Variants in TMEM177 observed in about 807,000 individuals in gnomAD.
The protein encoded by TMEM177 is transmembrane protein 177.
TMEM177 carries 4 observed loss-of-function variants against 14.2 expected under a neutral mutation model. That is an observed-to-expected ratio of 0.28 (90% CI 0.14 to 0.64). The LOEUF (loss-of-function observed/expected upper bound fraction) is 0.64, where lower values mean the gene tolerates loss of function less well. Ranked by LOEUF, TMEM177 falls within the 30% of genes least tolerant of loss-of-function variation. TMEM177 has a pLI of 0.82. For missense variants in TMEM177, 344 were observed against 405.2 expected (o/e 0.85, Z 1.30); for synonymous variants, 179 against 174.5 (o/e 1.03, Z -0.20).
the TMEM177 span, among the ~76,000 whole-genome samples, chr2:119,700,473 A>G: frequency 3.9e-5 from 6 of 152,310 alleles, no homozygotes; most frequent in Admixed American, 6.5e-5. Flanking sequence ...CCAAACAGGT[A>G]CTATGTTAGG....
chr2:119,700,848 A>C, the TMEM177 span, among the ~76,000 whole-genome samples: 1 of 152,184 alleles, frequency 6.6e-6, no homozygotes, highest in African/African-American at 2.4e-5. Context: ...GGCCTCTTTC[A>C]TGAATAGGTA....
chr2:119,695,335 A>T, the TMEM177 span, among the ~76,000 whole-genome samples: 368 of 152,326 alleles, frequency 2.4e-3, 4 homozygotes, highest in Non-Finnish European at 1.8e-3. Context: ...TCTTGTGGTT[A>T]CGAGCCCTCC....
chr2:119,707,065 C>T, the TMEM177 span, among the ~76,000 whole-genome samples: 78,456 of 151,748 alleles, frequency 0.52, 21,143 homozygotes, highest in East Asian at 0.65. Context: ...GCGCCCACCA[C>T]AACGCCCAGC....
At chr2:119,711,762 G>A in the TMEM177 span, among the ~76,000 whole-genome samples, 20 of 152,242 alleles carry the variant, frequency 1.3e-4, no homozygotes, top group East Asian at 2.7e-3. Flanking sequence ...AGGACTCTTC[G>A]TAGTTACCTG....
downstream of TMEM177, among the ~76,000 whole-genome samples, chr2:119,683,030 G>C (rs755903953): frequency 6.6e-6 from 1 of 152,216 alleles, no homozygotes; most frequent in Non-Finnish European, 1.5e-5. Context: ...ACCCAATTTG[G>C]CTTCATGACA....
chr2:119,681,025 C>G lies in TMEM177; in HGVS notation c.172C>G (p.Pro58Ala). The G allele has an allele frequency of 6.2e-7, 1 of 1,614,248 alleles. No homozygotes were observed. Among genetic ancestry groups the G allele is most frequent in the East Asian group, 2.2e-5 (1 of 44,886 alleles). ...GCCTCAGGGCCAGCCAGCTCCGCTC[C>G]CTCCACAGCTGCAGAGCCTCTTCCA... ...YWPQGQPAPL[P>A]PQLQSLFQEV... is the part of the protein sequence containing the mutation. Residue 58 changes from proline (P) to alanine (A), a missense_variant, in exon 2 of 2, where the codon CCT becomes GCT. By Grantham distance (27) the Pro-to-Ala change is conservative (BLOSUM62 -1). Transcript: ENST00000272521.
At chr2:119,723,575 A>G in the TMEM177 span, among the ~76,000 whole-genome samples, 2 of 152,212 alleles carry the variant, frequency 1.3e-5, no homozygotes, top group Non-Finnish European at 2.9e-5. Context: ...CCCAGCACAC[A>G]TCTTTTTGCT....
At chr2:119,722,805 G>A in the TMEM177 span, among the ~76,000 whole-genome samples, 1 of 152,170 alleles carries the variant, frequency 6.6e-6, no homozygotes, top group Non-Finnish European at 1.5e-5. Context: ...GGCACATGGT[G>A]GGCCTTTAAC....
At chr2:119,710,991 C>G in the TMEM177 span, among the ~76,000 whole-genome samples, 4 of 152,094 alleles carry the variant, frequency 2.6e-5, no homozygotes. Context: ...CCCAGTGAAG[C>G]GAAAAGATTA....
the TMEM177 span, among the ~76,000 whole-genome samples, chr2:119,695,172 A>G: frequency 6.6e-6 from 1 of 152,236 alleles, no homozygotes; most frequent in Non-Finnish European, 1.5e-5. Context: ...TTCCATTGAA[A>G]GAGCATAAGC....
In TMEM177 at chr2:119,680,316, C is replaced by G. The variant is rs149474072; in HGVS notation, c.-22-516C>G. Among the ~76,000 whole-genome samples the G allele has an allele frequency of 6.8e-3, 1,034 of 152,266 alleles. 7 individuals are homozygous for G. Among genetic ancestry groups the G allele is most frequent in the African/African-American group, 0.023 (958 of 41,542 alleles). ...ATTTTGGCCATTTAAGTTTTCACAG[C>G]TTTGAAATAGGGTTAGCTGTAGTAA... On this transcript the variant is annotated intron_variant, in intron 1 of 1. Transcript: ENST00000272521.
the TMEM177 span, among the ~76,000 whole-genome samples, chr2:119,694,346 A>C: frequency 6.6e-6 from 1 of 151,170 alleles, no homozygotes; most frequent in African/African-American, 2.4e-5. Flanking sequence ...ACACACACAC[A>C]CCCACACACA....
chr2:119,713,875 C>T, the TMEM177 span, among the ~76,000 whole-genome samples: 1 of 152,174 alleles, frequency 6.6e-6, no homozygotes, highest in African/African-American at 2.4e-5. Context: ...AGTCAAGGAG[C>T]CTGCTCTACC....
chr2:119,685,389 T>G (rs937524720), downstream of TMEM177, among the ~76,000 whole-genome samples: 1 of 151,458 alleles, frequency 6.6e-6, no homozygotes, highest in African/African-American at 2.4e-5. Context: ...CAATGCAAGG[T>G]TCCACTCAGC....
the TMEM177 span, among the ~76,000 whole-genome samples, chr2:119,692,687 G>C: frequency 6.6e-6 from 1 of 152,202 alleles, no homozygotes; most frequent in Non-Finnish European, 1.5e-5. Context: ...GAGAAAGGCA[G>C]GTAGGCTGGG....
At chr2:119,708,678 C>T in the TMEM177 span, among the ~76,000 whole-genome samples, 2 of 128,456 alleles carry the variant, frequency 1.6e-5, no homozygotes, top group Non-Finnish European at 1.7e-5. Flanking sequence ...CACACACATA[C>T]ACACACACAC....
the TMEM177 span, among the ~76,000 whole-genome samples, chr2:119,714,012 G>T: frequency 2.0e-3 from 301 of 152,342 alleles, no homozygotes; most frequent in Middle Eastern, 0.01. Context: ...GGATGACTGA[G>T]CCCAGAAGTG....
At chr2:119,685,652 T>A (rs1254136598), downstream of TMEM177, 1 of 717,502 alleles carries the variant, frequency 1.4e-6, no homozygotes, top group East Asian at 2.7e-5. Context: ...TATTTCAATT[T>A]TACAGGAAAG....
At chr2:119,708,533 T>A in the TMEM177 span, among the ~76,000 whole-genome samples, 15 of 152,158 alleles carry the variant, frequency 9.9e-5, no homozygotes, top group South Asian at 1.0e-3. Flanking sequence ...ATTTTACAGT[T>A]GCTTTGTTCA....
Sources: allele counts gnomAD v4.1 joint callset (sites outside exome capture counted in the v4.1 genomes callset), GRCh38; gene constraint gnomAD v4.1.1; transcripts MANE v1.5; gene names NCBI Gene and HGNC (gene_info 2026-07-23, HGNC 2026-07-21).